FOXN3: variants seen among roughly 807,000 people sequenced by gnomAD.
FOXN3 encodes forkhead box N3, also known as forkhead box protein N3.
In FOXN3, 7 loss-of-function variants were observed where a neutral mutation model predicts 38.4. That is an observed-to-expected ratio of 0.18 (90% CI 0.10 to 0.34). The LOEUF (loss-of-function observed/expected upper bound fraction) is 0.34. Ranked by LOEUF, FOXN3 falls within the 10% of genes least tolerant of loss-of-function variation. The pLI is 1.00. For missense variants in FOXN3, 456 were observed against 613.4 expected, an observed-to-expected ratio of 0.74 and a Z score of 2.71; for synonymous variants, 230 against 242.2, an observed-to-expected ratio of 0.95 and a Z score of 0.47.
chr14:89,456,437 G>A (rs973486317), intron 1 of FOXN3, among the ~76,000 whole-genome samples: 2 of 151,992 alleles, frequency 1.3e-5, no homozygotes, highest in Non-Finnish European at 2.9e-5. Flanking sequence ...CATAGTAGGT[G>A]CCCAATAAGT....
At chr14:89,559,400 G>C (rs557142529) in intron 1 of FOXN3, among the ~76,000 whole-genome samples, 3 of 151,984 alleles carry the variant, frequency 2.0e-5, no homozygotes, top group Non-Finnish European at 1.5e-5. Context: ...AAATAAGGCC[G>C]GGCGTGGTGG....
At position 89,306,771 on chromosome 14, in the gene FOXN3, A is replaced by T. The variant is rs1887392036; in HGVS notation, c.681-25757T>A. ...CGGGGGTTGGCAAATTATGAACCAA[A>T]CTGTACTAGCTGGAAGCTAAGTATG... On this transcript the variant is annotated intron_variant, in intron 3 of 5. Coordinates refer to ENST00000557258, the MANE Select transcript of FOXN3 (RefSeq NM_005197.4). Among the ~76,000 whole-genome samples the T allele has an allele frequency of 2.6e-5, 4 of 152,228 alleles. No homozygotes were observed. The South Asian group carries it at 8.3e-4, about 32-fold the overall frequency.
chr14:89,304,325 A>C (rs1273515289), intron 3 of FOXN3, among the ~76,000 whole-genome samples: 2 of 152,152 alleles, frequency 1.3e-5, no homozygotes, highest in African/African-American at 2.4e-5. Flanking sequence ...AGGGGCGGTA[A>C]GGTTAGCAGG....
intron 1 of FOXN3, among the ~76,000 whole-genome samples, chr14:89,437,729 A>G (rs1892301017): frequency 6.6e-6 from 1 of 152,234 alleles, no homozygotes; most frequent in Non-Finnish European, 1.5e-5. Context: ...ACCAGCAGCC[A>G]TCAGGGCTGC....
intron 1 of FOXN3, among the ~76,000 whole-genome samples, chr14:89,605,814 CA>C (rs1283690121): frequency 6.6e-6 from 1 of 151,860 alleles, no homozygotes; most frequent in East Asian, 1.9e-4. Context: ...AATAAAGATA[CA>C]AACAGAAATT....
At chr14:89,295,936 C>G (rs367987640) in intron 3 of FOXN3, among the ~76,000 whole-genome samples, 5 of 151,944 alleles carry the variant, frequency 3.3e-5, no homozygotes, top group African/African-American at 1.2e-4. Context: ...AATTAAATCT[C>G]TCACAAAGAA....
intron 5 of FOXN3, among the ~76,000 whole-genome samples, chr14:89,177,875 T>C (rs548448196): frequency 9.9e-5 from 15 of 152,246 alleles, no homozygotes; most frequent in African/African-American, 3.4e-4. Context: ...TTCCAACCTC[T>C]TCCCTTTGTT....
chr14:89,397,400 T>G (rs183122306), intron 2 of FOXN3, among the ~76,000 whole-genome samples: 1 of 134,952 alleles, frequency 7.4e-6, no homozygotes, highest in African/African-American at 2.8e-5. Context: ...TTTATCTATA[T>G]AACAAACCTG....
At chr14:89,196,631 G>A (rs1427981957) in intron 4 of FOXN3, among the ~76,000 whole-genome samples, 1 of 152,154 alleles carries the variant, frequency 6.6e-6, no homozygotes, top group Non-Finnish European at 1.5e-5. Flanking sequence ...GACCTTAGGG[G>A]CAGCTAACAG....
chr14:89,180,106 G>A (rs540549563), intron 5 of FOXN3, among the ~76,000 whole-genome samples: 6 of 152,358 alleles, frequency 3.9e-5, no homozygotes, highest in African/African-American at 1.4e-4. Context: ...GGTGGACCCT[G>A]ATCCGGGGCT....
intron 1 of FOXN3, among the ~76,000 whole-genome samples, chr14:89,514,394 C>T (rs1894161523): frequency 6.6e-6 from 1 of 152,206 alleles, no homozygotes; most frequent in Non-Finnish European, 1.5e-5. Flanking sequence ...GCCATCCACA[C>T]CTCCTTCCTA....
intron 2 of FOXN3, among the ~76,000 whole-genome samples, chr14:89,390,946 C>T (rs907035973): frequency 1.3e-5 from 2 of 152,128 alleles, no homozygotes; most frequent in Admixed American, 1.3e-4. Flanking sequence ...ACAGATGAGT[C>T]GAAGACAGGG....
intron 4 of FOXN3, 36 bp downstream of exon 4, chr14:89,280,914 G>A (rs2277522): frequency 2.5e-6 from 4 of 1,575,128 alleles, no homozygotes; most frequent in South Asian, 2.2e-5. Context: ...GGTGGGTGAG[G>A]GGGAGGGAGA....
intron 4 of FOXN3, among the ~76,000 whole-genome samples, chr14:89,213,447 G>A (rs1226045592): frequency 6.6e-6 from 1 of 152,092 alleles, no homozygotes; most frequent in African/African-American, 2.4e-5. Flanking sequence ...CTCGAAGATG[G>A]GTTTTGAATC....
intron 1 of FOXN3, among the ~76,000 whole-genome samples, chr14:89,491,678 G>A (rs1321152939): frequency 1.3e-5 from 2 of 152,220 alleles, no homozygotes; most frequent in Admixed American, 6.5e-5. Context: ...GATGAGCTCT[G>A]CCTCGGGAGG....
At chr14:89,219,238 A>G (rs917450316) in intron 4 of FOXN3, among the ~76,000 whole-genome samples, 3 of 152,110 alleles carry the variant, frequency 2.0e-5, no homozygotes, top group Non-Finnish European at 2.9e-5. Context: ...CTGATGGTTT[A>G]AAAGTGTGGC....
intron 1 of FOXN3, among the ~76,000 whole-genome samples, chr14:89,545,262 T>A (rs749202016): frequency 1.3e-5 from 2 of 152,254 alleles, no homozygotes; most frequent in African/African-American, 4.8e-5. Context: ...CATACTGGCA[T>A]GGACAGGACA....
chr14:89,242,914 G>A (rs1267536807), intron 4 of FOXN3, among the ~76,000 whole-genome samples: 1 of 152,164 alleles, frequency 6.6e-6, no homozygotes, highest in South Asian at 2.1e-4. Context: ...TCATCTGATG[G>A]TGACACAGTC....
intron 3 of FOXN3, among the ~76,000 whole-genome samples, chr14:89,284,874 A>C (rs1264322659): frequency 1.3e-5 from 2 of 152,158 alleles, no homozygotes; most frequent in Non-Finnish European, 2.9e-5. Flanking sequence ...GAGTGATACC[A>C]TCCTGAACAG....
Sources: allele counts gnomAD v4.1 joint callset (sites outside exome capture counted in the v4.1 genomes callset), GRCh38; gene constraint gnomAD v4.1.1; transcripts MANE v1.5; gene names NCBI Gene and HGNC (gene_info 2026-07-23, HGNC 2026-07-21).